Variants in NIT2 observed in about 807,000 individuals in gnomAD.
NIT2 encodes omega-amidase NIT2.
Under a neutral mutation model 42.7 loss-of-function variants are expected in NIT2, and 46 were observed. The observed-to-expected ratio is 1.08, with a 90% confidence interval of 0.85 to 1.38. The LOEUF (loss-of-function observed/expected upper bound fraction) is 1.38, where lower values mean the gene tolerates loss of function less well. Among genes scored for constraint, NIT2 ranks in the 40% most tolerant of loss-of-function variants. NIT2 has a pLI of 0.00. For synonymous variants in NIT2, 123 were observed against 121.9 expected (o/e 1.01, Z -0.06); for missense variants, 309 against 342.5 (o/e 0.90, Z 0.77).
intron 4 of NIT2, among the ~76,000 whole-genome samples, chr3:100,345,338 T>C (rs1339404432): frequency 2.0e-5 from 3 of 152,124 alleles, no homozygotes; most frequent in Admixed American, 2.0e-4. Flanking sequence ...AACCTAGAGG[T>C]TGATTTGCAG....
chr3:100,336,089 A>G (rs2148879818), intron 1 of NIT2, among the ~76,000 whole-genome samples: 1 of 152,328 alleles, frequency 6.6e-6, no homozygotes, highest in Middle Eastern at 3.4e-3. Context: ...TCAGGGTTAA[A>G]TTTAGTGCTT....
At chr3:100,338,735 T>C (rs1171732621) in intron 1 of NIT2, among the ~76,000 whole-genome samples, 3 of 152,218 alleles carry the variant, frequency 2.0e-5, no homozygotes, top group African/African-American at 7.2e-5. Context: ...TTCCCTACAC[T>C]GCGTAGTAAG....
At chr3:100,352,692 A>G (rs1576203749) in intron 8 of NIT2, among the ~76,000 whole-genome samples, 190 bp downstream of exon 8, 1 of 152,122 alleles carries the variant, frequency 6.6e-6, no homozygotes, top group Admixed American at 6.5e-5. Flanking sequence ...TGAGAAGCAA[A>G]TCACCCTGCT....
chr3:100,354,770 A>G lies in NIT2; in HGVS notation c.684-2A>G, dbSNP rs1421832429. 9.3e-6 allele frequency: 15 copies of G among 1,605,220 alleles called. No homozygotes were observed. Among genetic ancestry groups the G allele is most frequent in the Non-Finnish European group, 1.3e-5 (15 of 1,175,756 alleles). ...ACTCATTCTCTTCTGCATCTTTTTC[A>G]GGGGGGAGGTTCTAGCCAAAGCTGG... On this transcript the variant is annotated splice_acceptor_variant, in intron 8 of 9. Coordinates refer to ENST00000394140, the MANE Select transcript of NIT2 (RefSeq NM_020202.5). LOFTEE classifies it high-confidence loss of function.
Position 100,360,796 on chromosome 3 carries a change from G to A in NIT2, c.*5528G>A, listed in dbSNP as rs528516192. On this transcript the variant is annotated 3_prime_UTR_variant, in exon 10 of 10. Coordinates refer to ENST00000394140, the MANE Select transcript of NIT2 (RefSeq NM_020202.5). ...GTGTTTTGTTCCAAACTATCCAATC[G>A]AGAATGTTCATATAATGACAGCTTT... 5 of 152,292 alleles carry A rather than the reference G, an allele frequency of 3.3e-5. No individual in the cohort carries two copies. The highest frequency in any genetic ancestry group is 1.9e-4 in the East Asian group (1 of 5,184). The allele number at this position is 152,292 out of a possible 1,614,324, so 9.4% of individuals were successfully genotyped here. A position where few individuals can be genotyped will look rare whatever the true frequency, so the allele number is the denominator to read the frequency against.
chr3:100,351,164 CAT>C (rs1372628040), intron 7 of NIT2, among the ~76,000 whole-genome samples: 1 of 152,154 alleles, frequency 6.6e-6, no homozygotes, highest in Non-Finnish European at 1.5e-5. Flanking sequence ...CTGCAATAAA[CAT>C]ATGTGTGCAT....
At position 100,339,931 on chromosome 3, in the gene NIT2, T is replaced by G; in HGVS notation, c.243T>G (p.Ile81Met). The change falls in exon 3 of 10, where the codon ATT (isoleucine) becomes ATG (methionine). Residue 81 changes from isoleucine (I) to methionine (M), a missense_variant. Coordinates refer to ENST00000394140, the MANE Select transcript of NIT2 (RefSeq NM_020202.5). ...CAAAGGAATGCAGCATATATCTCAT[T>G]GGAGGTAACTTCCTACCCACAAGGT... ...EVAKECSIYL[I>M]GGSIPEEDAG... The G allele has an allele frequency of 1.9e-6, 3 of 1,611,318 alleles. No homozygotes were observed. The highest frequency in any genetic ancestry group is 2.5e-6 in the Non-Finnish European group (3 of 1,178,796).
At position 100,339,213 on chromosome 3, in the gene NIT2, TG is replaced by T. The variant is rs1363762405; in HGVS notation, c.126+11del. The stretch of plus-strand genomic sequence containing the variant: ...AAAATAGTTTCTTTGCCGGTCAGTA[TG>T]GGAGCAGCCATTCTGTTCTAGCCAC... On this transcript the variant is annotated intron_variant, in intron 2 of 9. Transcript: ENST00000394140. 3.2e-6 allele frequency: 5 copies of T among 1,558,876 alleles called. No individual in the cohort carries two copies. Among genetic ancestry groups the T allele is most frequent in the Non-Finnish European group, 4.4e-6 (5 of 1,130,126 alleles).
intron 2 of NIT2, among the ~76,000 whole-genome samples, chr3:100,339,407 T>G (rs1226309543): frequency 1.3e-5 from 2 of 152,124 alleles, no homozygotes; most frequent in African/African-American, 4.8e-5. Flanking sequence ...GGTCTTTAGG[T>G]TTTGGATCTT....
At chr3:100,350,207 G>A (rs1040576233) in intron 7 of NIT2, among the ~76,000 whole-genome samples, 1 of 152,062 alleles carries the variant, frequency 6.6e-6, no homozygotes, top group Non-Finnish European at 1.5e-5. Flanking sequence ...CATGGTGGAA[G>A]ATGGGGGTAG....
At chr3:100,340,246 TG>T (rs895942261) in intron 3 of NIT2, among the ~76,000 whole-genome samples, 7 of 152,072 alleles carry the variant, frequency 4.6e-5, no homozygotes, top group African/African-American at 1.7e-4. Flanking sequence ...TGTATTTTTT[TG>T]TAAAGACAGA....
chr3:100,354,452 T>C (rs1706304781), intron 8 of NIT2, among the ~76,000 whole-genome samples: 1 of 152,240 alleles, frequency 6.6e-6, no homozygotes, highest in African/African-American at 2.4e-5. Flanking sequence ...TAGGTAGCTC[T>C]ATTGCCAGAT....
chr3:100,359,921 T>C lies in NIT2; in HGVS notation c.*4653T>C, dbSNP rs1192982134. On this transcript the variant is annotated 3_prime_UTR_variant, in exon 10 of 10. Coordinates refer to ENST00000394140, the MANE Select transcript of NIT2 (RefSeq NM_020202.5). ...TCCTTACCTAAATCCTGTTTATTCC[T>C]TAATGCTTAGCACAATTTATTACTC... 1 of 152,224 alleles carries C rather than the reference T, an allele frequency of 6.6e-6. No homozygotes were observed. Among genetic ancestry groups the C allele is most frequent in the African/African-American group, 2.4e-5 (1 of 41,456 alleles). The allele number at this position is 152,224 out of a possible 1,614,324, so 9.4% of individuals were successfully genotyped here.
At chr3:100,352,813 A>G (rs1001908237) in intron 8 of NIT2, among the ~76,000 whole-genome samples, 2 of 152,212 alleles carry the variant, frequency 1.3e-5, no homozygotes, top group African/African-American at 4.8e-5. Flanking sequence ...GGCAGGTTGT[A>G]GTAAGAGACT....
At chr3:100,345,509 C>A in intron 4 of NIT2, 76 bp from the exon 5 acceptor site, 2 of 994,290 alleles carry the variant, frequency 2.0e-6, no homozygotes, top group Non-Finnish European at 1.6e-6. Flanking sequence ...CCGTATCTGC[C>A]CGGGGAAAGA....
chr3:100,353,624 A>T (rs1706294987), intron 8 of NIT2, among the ~76,000 whole-genome samples: 1 of 152,192 alleles, frequency 6.6e-6, no homozygotes, highest in Admixed American at 6.5e-5. Context: ...TTGTATTTGT[A>T]ACTCATTTGT....
chr3:100,336,581 G>A (rs894186941), intron 1 of NIT2, among the ~76,000 whole-genome samples: 1 of 152,178 alleles, frequency 6.6e-6, no homozygotes. Flanking sequence ...AGATAAACAC[G>A]TGAACAAAGG....
intron 7 of NIT2, chr3:100,349,221 G>A (rs568173054): frequency 1.1e-4 from 18 of 165,600 alleles, no homozygotes; most frequent in Non-Finnish European, 2.2e-4. Flanking sequence ...TCAAGAGATC[G>A]TCCTGCCTCA....
At chr3:100,350,491 A>T (rs1374192576) in intron 7 of NIT2, among the ~76,000 whole-genome samples, 1 of 152,186 alleles carries the variant, frequency 6.6e-6, no homozygotes, top group Non-Finnish European at 1.5e-5. Flanking sequence ...CTTTAACCAG[A>T]GAAGCTCTTC....
Sources: allele counts gnomAD v4.1 joint callset (sites outside exome capture counted in the v4.1 genomes callset), GRCh38; gene constraint gnomAD v4.1.1; transcripts MANE v1.5; gene names NCBI Gene and HGNC (gene_info 2026-07-23, HGNC 2026-07-21).